The following CNTN5 variants were observed in gnomAD, a reference collection of about 807,000 sequenced individuals.
CNTN5 encodes the protein contactin-5.
In CNTN5, 77 loss-of-function variants were observed where a neutral mutation model predicts 129.1. The observed-to-expected ratio is 0.60, with a 90% CI of 0.50 to 0.72. The LOEUF (loss-of-function observed/expected upper bound fraction) is 0.72. CNTN5 is among the 30% of genes least tolerant of loss of function. The probability of loss-of-function intolerance (pLI) is 0.00; values close to 1 mark genes in which losing one functional copy is unlikely to be tolerated. For synonymous variants in CNTN5, 509 were observed against 465.6 expected, an observed-to-expected ratio of 1.09 and a Z score of -1.20; for missense variants, 1,478 against 1,328.8, an observed-to-expected ratio of 1.11 and a Z score of -1.75.
chr11:99,791,520 G>C (rs1279710698), intron 3 of CNTN5, among the ~76,000 whole-genome samples: 1 of 151,968 alleles, frequency 6.6e-6, no homozygotes, highest in African/African-American at 2.4e-5. Context: ...ATTTATAACA[G>C]TAGCATGCTG....
In CNTN5 at chr11:99,277,542, C is replaced by T. The variant is rs942405498; in HGVS notation, c.-209-47804C>T. Among the ~76,000 whole-genome samples, 8 of 151,758 alleles carry T rather than the reference C, an allele frequency of 5.3e-5. No individual in the cohort carries two copies. The South Asian group carries it at 6.2e-4, about 12-fold the overall frequency. ...TTTATTTCTTGAATTGTGCTGACAA[C>T]ATTGTTTTTTTCTGGGACATTGTGT... On this transcript the variant is annotated intron_variant, in intron 1 of 24. Coordinates refer to ENST00000524871, the MANE Select transcript of CNTN5 (RefSeq NM_014361.4).
At chr11:100,227,146 A>T (rs1389480205) in intron 16 of CNTN5, among the ~76,000 whole-genome samples, 1 of 152,130 alleles carries the variant, frequency 6.6e-6, no homozygotes, top group African/African-American at 2.4e-5. Context: ...ATCACAAGGA[A>T]CGTACTTGGA....
intron 2 of CNTN5, among the ~76,000 whole-genome samples, chr11:99,327,499 A>T (rs1865834427): frequency 6.6e-6 from 1 of 152,146 alleles, no homozygotes; most frequent in African/African-American, 2.4e-5. Flanking sequence ...AACCTGTGGA[A>T]TCAGGTTTGG....
chr11:99,936,337 A>G (rs948289033), intron 7 of CNTN5, among the ~76,000 whole-genome samples: 4 of 152,194 alleles, frequency 2.6e-5, no homozygotes, highest in Non-Finnish European at 5.9e-5. Flanking sequence ...GCGTTTAGTA[A>G]AGTTCTAAAA....
chr11:99,860,509 C>A (rs1207268531), intron 6 of CNTN5, among the ~76,000 whole-genome samples: 1 of 152,120 alleles, frequency 6.6e-6, no homozygotes, highest in Non-Finnish European at 1.5e-5. Context: ...GGTCCAATTT[C>A]ATTCTTCTGC....
At chr11:100,044,618 G>A (rs1213654309) in intron 9 of CNTN5, among the ~76,000 whole-genome samples, 2 of 150,280 alleles carry the variant, frequency 1.3e-5, no homozygotes, top group East Asian at 3.9e-4. Flanking sequence ...GGCCATTTTT[G>A]TGTCTTTTTT....
At chr11:100,205,347 A>G (rs1948891625) in intron 15 of CNTN5, among the ~76,000 whole-genome samples, 1 of 152,088 alleles carries the variant, frequency 6.6e-6, no homozygotes, top group African/African-American at 2.4e-5. Context: ...ATCATATTAC[A>G]GCACAAAAAT....
Position 100,350,813 on chromosome 11 carries a change from T to C in CNTN5, c.3142T>C (p.Tyr1048His), listed in dbSNP as rs199675634. Residue 1048 changes from tyrosine (Y) to histidine (H), a missense_variant, in exon 24 of 25, where the codon TAT becomes CAT. Physicochemically the swap from Tyr to His is moderately conservative, Grantham distance 83 (BLOSUM62 2). Transcript: ENST00000524871. Reference protein sequence around the residue: ...AGVYIIEVRAYSEGGDGTASS... With the variant: ...AGVYIIEVRAHSEGGDGTASS... ...AGTCTATATTATTGAAGTTCGAGCA[T>C]ATAGTGAAGGAGGAGATGGAACAGC... 1.2e-6 allele frequency: 2 copies of C among 1,606,756 alleles called. No individual in the cohort carries two copies. The highest frequency in any genetic ancestry group is 1.7e-6 in the Non-Finnish European group (2 of 1,175,470).
chr11:99,836,198 G>A (rs1204660540), intron 4 of CNTN5, among the ~76,000 whole-genome samples: 2 of 150,370 alleles, frequency 1.3e-5, no homozygotes, highest in Admixed American at 6.6e-5. Context: ...CAACGTGCAG[G>A]TTTGTTACAT....
At chr11:99,226,402 T>A (rs908957842) in intron 1 of CNTN5, among the ~76,000 whole-genome samples, 2 of 152,168 alleles carry the variant, frequency 1.3e-5, no homozygotes, top group African/African-American at 4.8e-5. Context: ...TACAAACAGG[T>A]GACTTTGAAT....
intron 2 of CNTN5, among the ~76,000 whole-genome samples, chr11:99,408,031 T>C (rs1356427260): frequency 1.3e-5 from 2 of 152,102 alleles, no homozygotes; most frequent in Admixed American, 1.3e-4. Flanking sequence ...GTATTGTGAG[T>C]GCTCACCTTA....
intron 8 of CNTN5, among the ~76,000 whole-genome samples, chr11:99,961,793 G>A (rs960338722): frequency 6.6e-6 from 1 of 152,028 alleles, no homozygotes; most frequent in East Asian, 1.9e-4. Flanking sequence ...TCTAGCATTC[G>A]TATGCCAGCA....
intron 3 of CNTN5, among the ~76,000 whole-genome samples, chr11:99,808,112 G>C (rs1260517536): frequency 2.0e-5 from 3 of 152,176 alleles, no homozygotes; most frequent in Non-Finnish European, 2.9e-5. Context: ...CTTTTGACTT[G>C]AGAAGTAGTA....
In CNTN5 at chr11:99,746,254, A is replaced by G. The variant is rs139208741; in HGVS notation, c.56-73290A>G. On this transcript the variant is annotated intron_variant, in intron 3 of 24. Coordinates refer to ENST00000524871, the MANE Select transcript of CNTN5 (RefSeq NM_014361.4). ...GCAAATTTTGATTTGATTTTTGTAT[A>G]TAGTGTGAGACACAGTTCTGATTTC... is the stretch of plus-strand genomic sequence containing the variant. 7.9e-4 allele frequency among the ~76,000 whole-genome samples: 121 copies of G among 152,324 alleles called. No individual in the cohort carries two copies. The East Asian group carries it at 0.015, about 18-fold the overall frequency.
At position 99,663,660 on chromosome 11, in the gene CNTN5, C is replaced by T. The variant is rs867668733; in HGVS notation, c.55+107391C>T. Among the ~76,000 whole-genome samples, 42 of 152,170 alleles carry T rather than the reference C, an allele frequency of 2.8e-4. 1 individual carries two copies. Among genetic ancestry groups the T allele is most frequent in the African/African-American group, 8.4e-4 (35 of 41,528 alleles). On this transcript the variant is annotated intron_variant, in intron 3 of 24. Coordinates refer to ENST00000524871, the MANE Select transcript of CNTN5 (RefSeq NM_014361.4). ...CCCATGCTGTTCTCCTGATAGTTTT[C>T]ACAAGATCTGATGGTTCTATAACGA...
intron 1 of CNTN5, among the ~76,000 whole-genome samples, chr11:99,034,874 T>C (rs1243022724): frequency 6.7e-6 from 1 of 150,222 alleles, no homozygotes; most frequent in Non-Finnish European, 1.5e-5. Context: ...GGTGTCAGTT[T>C]TAGATCTTTC....
intron 3 of CNTN5, among the ~76,000 whole-genome samples, chr11:99,753,194 C>G (rs1944293006): frequency 7.1e-6 from 1 of 139,908 alleles, no homozygotes; most frequent in Non-Finnish European, 1.5e-5. Context: ...GAGATCTCGA[C>G]TCACTGCAAG....
intron 13 of CNTN5, among the ~76,000 whole-genome samples, chr11:100,107,356 A>G (rs904514765): frequency 5.4e-4 from 82 of 152,214 alleles, no homozygotes; most frequent in African/African-American, 1.9e-3. Context: ...CATGAGGTCA[A>G]TAGACTTAAT....
chr11:99,712,937 C>T (rs561401822), intron 3 of CNTN5, among the ~76,000 whole-genome samples: 1 of 152,070 alleles, frequency 6.6e-6, no homozygotes, highest in East Asian at 1.9e-4. Context: ...TTTCTTTTTG[C>T]TTAGGATTGT....
Sources: allele counts gnomAD v4.1 joint callset (sites outside exome capture counted in the v4.1 genomes callset), GRCh38; gene constraint gnomAD v4.1.1; transcripts MANE v1.5; gene names NCBI Gene and HGNC (gene_info 2026-07-23, HGNC 2026-07-21).